The following SPTAN1 variants were observed in gnomAD, a reference collection of about 807,000 sequenced individuals.
SPTAN1 encodes spectrin alpha, non-erythrocytic 1.
SPTAN1 carries 61 observed loss-of-function variants against 331.3 expected under a neutral mutation model. The observed-to-expected ratio is 0.18, with a 90% CI of 0.15 to 0.23. The LOEUF is 0.23. Among genes scored for constraint, SPTAN1 ranks in the 10% least tolerant of loss-of-function variants. The pLI is 1.00. For synonymous variants in SPTAN1, 1,153 were observed against 1,173.9 expected (o/e 0.98, Z 0.36); for missense variants, 2,043 against 3,147.9 (o/e 0.65, Z 8.40).
At chr9:128,586,069 AG>A (rs1852575160) in intron 19 of SPTAN1, 104 bp downstream of exon 19, 1 of 855,300 alleles carries the variant, frequency 1.2e-6, no homozygotes, top group Non-Finnish European at 1.9e-6. Context: ...TGTGCATTAC[AG>A]TGATTGTTTT....
In SPTAN1 at chr9:128,618,971, G is replaced by A. The variant is rs748450616; in HGVS notation, c.5701G>A (p.Glu1901Lys). 11 of 1,613,992 alleles carry A rather than the reference G, an allele frequency of 6.8e-6. No homozygotes were observed. The highest frequency in any genetic ancestry group is 8.5e-6 in the Non-Finnish European group (10 of 1,179,930). ...INEKMTLVAS[E>K]DYGDTLAAIQ... Reference sequence around the variant, plus strand: ...TGAGAAAATGACCCTGGTGGCCAGCGAAGATTATGGCGACACTCTTGCCGC... The same window carrying A: ...TGAGAAAATGACCCTGGTGGCCAGCAAAGATTATGGCGACACTCTTGCCGC... Residue 1901 changes from glutamate to lysine, a missense_variant, in exon 44 of 57, where the codon GAA becomes AAA. By Grantham distance (56) the Glu-to-Lys change is moderately conservative. Around this residue, in one of 12 missense-constraint regions of SPTAN1, gnomAD observed 323 missense variants for 581.1 expected, o/e 0.56. Transcript: ENST00000372739.
At chr9:128,605,204 G>T in intron 30 of SPTAN1, 26 bp downstream of exon 30, 1 of 1,614,122 alleles carries the variant, frequency 6.2e-7, no homozygotes, top group Non-Finnish European at 8.5e-7. Flanking sequence ...GTCATCTTCT[G>T]TCTGGCATTT....
At chr9:128,619,228 C>A (rs1857552253) in intron 44 of SPTAN1, among the ~76,000 whole-genome samples, 1 of 152,202 alleles carries the variant, frequency 6.6e-6, no homozygotes, top group Non-Finnish European at 1.5e-5. Flanking sequence ...AGTTCACGGG[C>A]CCTGTCATTC....
intron 5 of SPTAN1, among the ~76,000 whole-genome samples, 186 bp downstream of exon 5, chr9:128,575,531 A>G (rs567426858): frequency 6.6e-6 from 1 of 152,288 alleles, no homozygotes; most frequent in Admixed American, 6.5e-5. Flanking sequence ...AATGCTTTTC[A>G]ATGTGTTGCC....
At position 128,605,026 on chromosome 9, in the gene SPTAN1, G is replaced by A. The variant is rs771588342; in HGVS notation, c.3720-8G>A. 1.2e-5 allele frequency: 20 copies of A among 1,613,760 alleles called. No homozygotes were observed. The highest frequency in any genetic ancestry group is 1.6e-5 in the Non-Finnish European group (19 of 1,179,972). On this transcript the variant is annotated splice_region_variant and splice_polypyrimidine_tract_variant and intron_variant, in intron 29 of 56. Coordinates refer to ENST00000372739, the MANE Select transcript of SPTAN1 (RefSeq NM_001130438.3). Reference sequence around the variant, plus strand: ...GCATTTCTTAACCTGAATGTGTCTCGCCTTTAGAGATGCTGATGAAACCAA... The same window carrying A: ...GCATTTCTTAACCTGAATGTGTCTCACCTTTAGAGATGCTGATGAAACCAA...
rs745910160 is a variant in SPTAN1 at position 128,592,973 on chromosome 9, C to T, written c.3156-10C>T. The T allele has an allele frequency of 5.0e-6, 8 of 1,604,198 alleles. No individual in the cohort carries two copies. The Admixed American group carries it at 1.0e-4, about 20-fold the overall frequency. On this transcript the variant is annotated splice_polypyrimidine_tract_variant and intron_variant, in intron 22 of 56. Coordinates refer to ENST00000372739, the MANE Select transcript of SPTAN1 (RefSeq NM_001130438.3). ...TTCGTGCATGCTTTTGCTGTGCCCCCTCTGTGCAGGACACGCATAACTAAG... is the reference window on the plus strand; with the variant it reads ...TTCGTGCATGCTTTTGCTGTGCCCCTTCTGTGCAGGACACGCATAACTAAG...
chr9:128,588,197 T>C (rs762948878), intron 20 of SPTAN1, among the ~76,000 whole-genome samples: 6 of 151,338 alleles, frequency 4.0e-5, no homozygotes, highest in East Asian at 1.9e-4. Context: ...GGGGTTTCAC[T>C]ATGTTGGCCG....
At chr9:128,558,673 A>G (rs1004437480) in intron 1 of SPTAN1, among the ~76,000 whole-genome samples, 4 of 152,102 alleles carry the variant, frequency 2.6e-5, no homozygotes, top group Admixed American at 6.6e-5. Context: ...TATGGCTGGG[A>G]ACAGCCTGGA....
chr9:128,619,441 A>C (rs902728907), intron 44 of SPTAN1, among the ~76,000 whole-genome samples: 2 of 152,234 alleles, frequency 1.3e-5, no homozygotes, highest in Admixed American at 1.3e-4. Context: ...ATGTTCTGCA[A>C]ACCTGTAGGG....
rs1019776286 is a variant in SPTAN1, at chr9:128,591,464, C to G, written c.3007-13C>G. The G allele has an allele frequency of 6.2e-7, 1 of 1,614,078 alleles. No homozygotes were observed. Among genetic ancestry groups the G allele is most frequent in the South Asian group, 1.1e-5 (1 of 91,078 alleles). ...AAGGAATTTACTTTCAGTTCTCCCTCTTTTTTCCTTAGGATTGGTGGAAAG... is the reference window on the plus strand; with the variant it reads ...AAGGAATTTACTTTCAGTTCTCCCTGTTTTTTCCTTAGGATTGGTGGAAAG... On this transcript the variant is annotated splice_polypyrimidine_tract_variant and intron_variant, in intron 21 of 56. Coordinates refer to ENST00000372739, the MANE Select transcript of SPTAN1 (RefSeq NM_001130438.3).
chr9:128,618,162 G>T, intron 43 of SPTAN1, 54 bp downstream of exon 43: 2 of 1,609,764 alleles, frequency 1.2e-6, no homozygotes, highest in East Asian at 2.2e-5. Context: ...CAGCACCCAA[G>T]GGCAGACTCT....
At position 128,573,911 on chromosome 9, in the gene SPTAN1, T is replaced by C. The variant is rs1215601360; in HGVS notation, c.364-764T>C. 2.0e-5 allele frequency among the ~76,000 whole-genome samples: 3 copies of C among 152,086 alleles called. No individual in the cohort carries two copies. The East Asian group carries it at 5.8e-4, about 29-fold the overall frequency. On this transcript the variant is annotated intron_variant, in intron 3 of 56. Coordinates refer to ENST00000372739, the MANE Select transcript of SPTAN1 (RefSeq NM_001130438.3). ...CTGGGATTACAGGTGTGCGCCCCCA[T>C]ACCCGGCTCATTTTTGTACTTTTAG...
intron 24 of SPTAN1, among the ~76,000 whole-genome samples, chr9:128,595,196 GC>G (rs1365259383): frequency 2.0e-5 from 3 of 151,744 alleles, no homozygotes; most frequent in Non-Finnish European, 4.4e-5. Context: ...TGCAACTTCT[GC>G]CTCCCAGGCT....
chr9:128,581,728 T>C (rs1851970584), intron 11 of SPTAN1, 54 bp from the exon 12 acceptor site: 1 of 1,414,380 alleles, frequency 7.1e-7, no homozygotes. Flanking sequence ...TTCACAGTCT[T>C]AGAAGATCAA....
At chr9:128,597,679 TG>T (rs1854493369) in intron 24 of SPTAN1, among the ~76,000 whole-genome samples, 2 of 152,206 alleles carry the variant, frequency 1.3e-5, no homozygotes, top group East Asian at 3.9e-4. Context: ...GACAGAGTCT[TG>T]CTCTGTTGCC....
In SPTAN1 at chr9:128,628,954, A is replaced by C. The variant is rs1430567818; in HGVS notation, c.6707+1012A>C. 1.2e-4 allele frequency: 45 copies of C among 389,576 alleles called. No individual in the cohort carries two copies. In the East Asian group the frequency reaches 1.6e-3, roughly 14 times the overall value. The allele number at this position is 389,576 out of a possible 1,614,324, so 24.1% of individuals were successfully genotyped here. On this transcript the variant is annotated intron_variant, in intron 51 of 56. Coordinates refer to ENST00000372739, the MANE Select transcript of SPTAN1 (RefSeq NM_001130438.3). ...AGCCCTGCCCATCTTGCCCATTCCT[A>C]GTGTGAGCTGCCTGGGGTGAACCAC...
At chr9:128,594,124 A>C in intron 23 of SPTAN1, 51 bp from the exon 24 acceptor site, 1 of 1,586,686 alleles carries the variant, frequency 6.3e-7, no homozygotes. Context: ...GTTAGCATCT[A>C]CAGCTAACTG....
At chr9:128,632,348 G>C in intron 53 of SPTAN1, 25 bp downstream of exon 53, 1 of 1,613,462 alleles carries the variant, frequency 6.2e-7, no homozygotes, top group Non-Finnish European at 8.5e-7. Context: ...TGTGGGCCAG[G>C]CTCAGCCCAG....
chr9:128,614,106 T>G (rs548728129), intron 40 of SPTAN1, among the ~76,000 whole-genome samples: 27 of 152,252 alleles, frequency 1.8e-4, no homozygotes, highest in African/African-American at 5.8e-4. Context: ...AATATTTTGA[T>G]TCGGGTAAGT....
Sources: allele counts gnomAD v4.1 joint callset (sites outside exome capture counted in the v4.1 genomes callset), GRCh38; gene constraint gnomAD v4.1.1; regional missense constraint gnomAD v4.1.1; transcripts MANE v1.5; gene names NCBI Gene and HGNC (gene_info 2026-07-23, HGNC 2026-07-21).